APBA2: variants seen among roughly 807,000 people sequenced by gnomAD.
The protein encoded by APBA2 is amyloid-beta A4 precursor protein-binding family A member 2.
Under a neutral mutation model 75.0 loss-of-function variants are expected in APBA2, and 30 were observed. The observed-to-expected ratio is 0.40, with a 90% CI of 0.30 to 0.54. The LOEUF (loss-of-function observed/expected upper bound fraction) is 0.54. APBA2 is among the 20% of genes least tolerant of loss of function. The pLI, the probability that APBA2 is intolerant of heterozygous loss-of-function variation, is 0.49. For missense variants in APBA2, 801 were observed against 1,016.1 expected (o/e 0.79, Z 2.88); for synonymous variants, 444 against 409.6 (o/e 1.08, Z -1.01).
chr15:29,114,385 C>G (rs901449460), intron 14 of APBA2, among the ~76,000 whole-genome samples: 1 of 152,228 alleles, frequency 6.6e-6, no homozygotes, highest in Non-Finnish European at 1.5e-5. Flanking sequence ...TTGCCCTGTC[C>G]CACTTCACTG....
intron 2 of APBA2, among the ~76,000 whole-genome samples, chr15:28,993,678 C>T (rs545790871): frequency 6.6e-6 from 1 of 152,098 alleles, no homozygotes; most frequent in African/African-American, 2.4e-5. Flanking sequence ...GTGCCTTTGT[C>T]GGAAGTCAGT....
At chr15:29,115,442 G>A (rs1286942836) in intron 14 of APBA2, among the ~76,000 whole-genome samples, 4 of 152,092 alleles carry the variant, frequency 2.6e-5, no homozygotes. Context: ...GCCTCCCTTT[G>A]ATGGCTTCAA....
chr15:29,103,484 CAG>C (rs2044233382), intron 10 of APBA2, among the ~76,000 whole-genome samples: 1 of 152,234 alleles, frequency 6.6e-6, no homozygotes. Flanking sequence ...GCGCCAGCCG[CAG>C]AGAGAGCCCC....
intron 2 of APBA2, among the ~76,000 whole-genome samples, chr15:28,986,762 T>A (rs1041022858): frequency 6.6e-6 from 1 of 152,214 alleles, no homozygotes; most frequent in Non-Finnish European, 1.5e-5. Flanking sequence ...CTACTGCTCC[T>A]GGTCCCCTTC....
chr15:29,074,072 A>T (rs182982372), intron 4 of APBA2, among the ~76,000 whole-genome samples: 4 of 152,306 alleles, frequency 2.6e-5, no homozygotes. Flanking sequence ...CTGCTGTGGA[A>T]AACAGTATGG....
At chr15:28,986,299 C>G (rs2152775546) in intron 2 of APBA2, among the ~76,000 whole-genome samples, 1 of 152,208 alleles carries the variant, frequency 6.6e-6, no homozygotes, top group Admixed American at 6.5e-5. Context: ...GTAGGACTCA[C>G]TAGTTGGTTA....
At chr15:29,115,573 C>G (rs1051132603) in intron 14 of APBA2, among the ~76,000 whole-genome samples, 9 of 152,298 alleles carry the variant, frequency 5.9e-5, no homozygotes, top group African/African-American at 2.2e-4. Flanking sequence ...GGGGAAGAGG[C>G]AGGAGGCGGC....
intron 2 of APBA2, among the ~76,000 whole-genome samples, chr15:28,965,022 T>C (rs77006865): frequency 0.032 from 4,875 of 152,192 alleles, 285 homozygotes; most frequent in African/African-American, 0.11. Flanking sequence ...GTGTTTGGTG[T>C]ATGTCTAGGA....
intron 1 of APBA2, among the ~76,000 whole-genome samples, chr15:28,919,041 T>C (rs574541346): frequency 6.6e-6 from 1 of 152,110 alleles, no homozygotes; most frequent in South Asian, 2.1e-4. Flanking sequence ...TTGCGTTTTT[T>C]AGTAGAAACG....
At chr15:29,063,908 G>A (rs1235665183) in intron 4 of APBA2, among the ~76,000 whole-genome samples, 2 of 152,062 alleles carry the variant, frequency 1.3e-5, no homozygotes, top group Non-Finnish European at 2.9e-5. Flanking sequence ...GGAGGACCAG[G>A]ACTGGTCAGG....
chr15:28,913,105 C>T (rs1368912444), intron 1 of APBA2, among the ~76,000 whole-genome samples: 8 of 152,166 alleles, frequency 5.3e-5, no homozygotes, highest in African/African-American at 1.4e-4. Flanking sequence ...AGTTTGTGTC[C>T]GTCGCAGATG....
chr15:29,049,183 G>A (rs1566945067), intron 3 of APBA2, among the ~76,000 whole-genome samples: 1 of 152,186 alleles, frequency 6.6e-6, no homozygotes, highest in Admixed American at 6.5e-5. Context: ...TATGAATACT[G>A]ATGCCTAGTT....
chr15:29,047,209 G>A (rs188366413), intron 3 of APBA2, among the ~76,000 whole-genome samples: 50 of 152,324 alleles, frequency 3.3e-4, no homozygotes, highest in South Asian at 1.4e-3. Context: ...AGTAGGTTCC[G>A]TGTAATTCTG....
chr15:28,998,203 T>TC (rs928605804), intron 3 of APBA2, among the ~76,000 whole-genome samples: 3 of 150,600 alleles, frequency 2.0e-5, no homozygotes, highest in African/African-American at 7.3e-5. Flanking sequence ...TCTTTTTCTT[T>TC]TTTTTTTTTT....
chr15:28,894,116 A>G (rs1410177785), intron 1 of APBA2: 1 of 152,216 alleles, frequency 6.6e-6, no homozygotes, highest in East Asian at 1.9e-4. Flanking sequence ...GGTGCGGGAC[A>G]CTAACATGGT....
intron 3 of APBA2, among the ~76,000 whole-genome samples, chr15:29,003,129 G>A (rs910519457): frequency 2.0e-5 from 3 of 150,844 alleles, no homozygotes; most frequent in African/African-American, 7.3e-5. Flanking sequence ...GCCCTGGCAG[G>A]TCTTTGTTGG....
chr15:28,900,375 C>T (rs1016204190), intron 1 of APBA2, among the ~76,000 whole-genome samples: 10 of 152,182 alleles, frequency 6.6e-5, no homozygotes, highest in East Asian at 1.9e-4. Flanking sequence ...TGTGCCCTCT[C>T]GGGCTCTGAG....
chr15:28,944,622 A>G (rs1486890649), intron 2 of APBA2, among the ~76,000 whole-genome samples: 1 of 152,200 alleles, frequency 6.6e-6, no homozygotes, highest in Non-Finnish European at 1.5e-5. Context: ...TGCCTTTTAT[A>G]ACCTGGTGTG....
At chr15:28,976,308 A>G (rs1437308706) in intron 2 of APBA2, among the ~76,000 whole-genome samples, 3 of 152,184 alleles carry the variant, frequency 2.0e-5, no homozygotes, top group East Asian at 1.9e-4. Context: ...ATCCATTGCA[A>G]TCTTCATCCT....
Sources: gnomAD v4.1 joint callset for allele counts (sites outside exome capture counted in the v4.1 genomes callset) on GRCh38, gnomAD v4.1.1 for gene constraint, MANE v1.5 for transcripts, NCBI Gene and HGNC (gene_info 2026-07-23, HGNC 2026-07-21) for gene names.